The following NFIA variants were observed in gnomAD, a reference collection of about 807,000 sequenced individuals.
NFIA encodes nuclear factor 1 A-type.
Under a neutral mutation model 62.8 loss-of-function variants are expected in NFIA, and 8 were observed. That is an observed-to-expected ratio of 0.13 (90% CI 0.07 to 0.23). NFIA has a LOEUF of 0.23. Ranked by LOEUF, NFIA falls within the 10% of genes least tolerant of loss-of-function variation. The pLI, the probability that NFIA is intolerant of heterozygous loss-of-function variation, is 1.00. For synonymous variants in NFIA, 235 were observed against 238.1 expected (o/e 0.99, Z 0.12); for missense variants, 410 against 642.1 (o/e 0.64, Z 3.91).
At chr1:61,347,573 G>A (rs1442761442) in intron 4 of NFIA, among the ~76,000 whole-genome samples, 1 of 152,090 alleles carries the variant, frequency 6.6e-6, no homozygotes, top group Non-Finnish European at 1.5e-5. Context: ...TATCCTCGAA[G>A]GCTCAGCTTA....
At chr1:61,251,653 T>C (rs1038039923) in intron 2 of NFIA, among the ~76,000 whole-genome samples, 7 of 152,168 alleles carry the variant, frequency 4.6e-5, no homozygotes, top group African/African-American at 1.7e-4. Context: ...TGAAAAATCA[T>C]AAAATACTGA....
intron 2 of NFIA, among the ~76,000 whole-genome samples, chr1:61,145,379 G>A (rs1425243340): frequency 2.6e-5 from 4 of 152,160 alleles, no homozygotes; most frequent in Non-Finnish European, 5.9e-5. Context: ...GTAGGGTCTG[G>A]TTGGTCACAT....
chr1:61,251,238 A>G (rs960925692), intron 2 of NFIA: 1 of 152,212 alleles, frequency 6.6e-6, no homozygotes, highest in African/African-American at 2.4e-5. Context: ...TAAAAATTTC[A>G]CTGGAAAGGG....
chr1:61,106,101 A>C (rs1646593219), intron 2 of NFIA, among the ~76,000 whole-genome samples: 1 of 70,186 alleles, frequency 1.4e-5, no homozygotes, highest in African/African-American at 8.9e-5. Context: ...TCTCTCATGC[A>C]TCTATCTATC....
intron 2 of NFIA, among the ~76,000 whole-genome samples, chr1:61,219,788 A>G (rs564637486): frequency 6.6e-6 from 1 of 151,430 alleles, no homozygotes; most frequent in East Asian, 1.9e-4. Flanking sequence ...ACATGGTGAA[A>G]CCCTGTCTCT....
intron 2 of NFIA, among the ~76,000 whole-genome samples, chr1:61,117,267 A>G (rs1279189796): frequency 6.6e-6 from 1 of 152,204 alleles, no homozygotes; most frequent in Non-Finnish European, 1.5e-5. Context: ...TGGTGAAATT[A>G]TGTGGCTACC....
At chr1:61,196,906 TG>T (rs1652041410) in intron 2 of NFIA, among the ~76,000 whole-genome samples, 5 of 47,200 alleles carry the variant, frequency 1.1e-4, no homozygotes, top group South Asian at 6.6e-4. Flanking sequence ...GGAGTGTGTG[TG>T]TGTGTGTGTG....
At chr1:61,430,182 A>T (rs1667040920) in intron 10 of NFIA, among the ~76,000 whole-genome samples, 2 of 152,160 alleles carry the variant, frequency 1.3e-5, no homozygotes, top group South Asian at 4.1e-4. Flanking sequence ...AGTCAGAGCA[A>T]GTGGACTGTT....
intron 2 of NFIA, among the ~76,000 whole-genome samples, chr1:61,247,217 C>T (rs1655702430): frequency 1.3e-5 from 2 of 152,188 alleles, no homozygotes; most frequent in Admixed American, 1.3e-4. Context: ...AGTGTCAAGA[C>T]ACAACCCAAG....
intron 2 of NFIA, among the ~76,000 whole-genome samples, chr1:61,113,957 G>A (rs1646752856): frequency 6.6e-6 from 1 of 151,946 alleles, no homozygotes; most frequent in Non-Finnish European, 1.5e-5. Context: ...GCTTCAAGAG[G>A]TTTTTTTTGA....
At chr1:61,188,460 A>G (rs1163306351) in intron 2 of NFIA, among the ~76,000 whole-genome samples, 1 of 152,194 alleles carries the variant, frequency 6.6e-6, no homozygotes, top group Non-Finnish European at 1.5e-5. Context: ...TTTTAGCTTG[A>G]AAAACTTGTT....
intron 2 of NFIA, among the ~76,000 whole-genome samples, chr1:61,137,779 T>A (rs2100499941): frequency 6.6e-6 from 1 of 152,328 alleles, no homozygotes. Flanking sequence ...TAGCAGAGAT[T>A]TGCCAAGGTT....
At chr1:61,243,898 G>A (rs772265435) in intron 2 of NFIA, among the ~76,000 whole-genome samples, 2 of 152,130 alleles carry the variant, frequency 1.3e-5, no homozygotes, top group Admixed American at 6.6e-5. Context: ...TTTTAAATTA[G>A]TGAACTGCAG....
chr1:61,161,846 ATATCTTT>A (rs760940229), intron 2 of NFIA, among the ~76,000 whole-genome samples: 68 of 152,346 alleles, frequency 4.5e-4, no homozygotes, highest in Middle Eastern at 3.4e-3. Flanking sequence ...GTTCTTAATA[ATATCTTT>A]AGGAAAAGAT....
intron 2 of NFIA, among the ~76,000 whole-genome samples, chr1:61,254,431 C>T (rs893657850): frequency 6.6e-6 from 1 of 152,146 alleles, no homozygotes; most frequent in Non-Finnish European, 1.5e-5. Context: ...AGCATTGACA[C>T]AACTCTAGAA....
At chr1:61,454,910 C>G (rs1668232411) in intron 10 of NFIA, among the ~76,000 whole-genome samples, 1 of 152,156 alleles carries the variant, frequency 6.6e-6, no homozygotes, top group Non-Finnish European at 1.5e-5. Context: ...TTCAACTCTT[C>G]TTCATTAAGA....
At chr1:61,417,463 T>G (rs1276058594) in intron 9 of NFIA, among the ~76,000 whole-genome samples, 1 of 151,788 alleles carries the variant, frequency 6.6e-6, no homozygotes, top group Middle Eastern at 3.4e-3. Flanking sequence ...TGGAGTATGC[T>G]CCAGCATATC....
At chr1:61,165,923 C>G (rs891459547) in intron 2 of NFIA, among the ~76,000 whole-genome samples, 1 of 152,020 alleles carries the variant, frequency 6.6e-6, no homozygotes, top group Non-Finnish European at 1.5e-5. Flanking sequence ...AGTAATACTA[C>G]GATAATTAAA....
At chr1:61,320,509 T>C (rs1481338809) in intron 3 of NFIA, among the ~76,000 whole-genome samples, 1 of 152,250 alleles carries the variant, frequency 6.6e-6, no homozygotes, top group Non-Finnish European at 1.5e-5. Context: ...TTTGGAGACG[T>C]ATATAATAGT....
Sources: gnomAD v4.1 joint callset for allele counts (sites outside exome capture counted in the v4.1 genomes callset) on GRCh38, gnomAD v4.1.1 for gene constraint, MANE v1.5 for transcripts, NCBI Gene and HGNC (gene_info 2026-07-23, HGNC 2026-07-21) for gene names.